Variants in JDP2 observed in about 807,000 individuals in gnomAD.
JDP2 encodes progesterone receptor co-activator.
JDP2 carries 9 observed loss-of-function variants against 17.1 expected under a neutral mutation model. That is an observed-to-expected ratio of 0.53 (90% CI 0.32 to 0.92). The LOEUF is 0.92. Ranked by LOEUF, JDP2 falls within the 40% of genes least tolerant of loss-of-function variation. The probability of loss-of-function intolerance (pLI) is 0.04; values close to 1 mark genes in which losing one functional copy is unlikely to be tolerated. For missense variants in JDP2, 179 were observed against 220.0 expected (o/e 0.81, Z 1.18); for synonymous variants, 107 against 95.6 (o/e 1.12, Z -0.69).
intron 2 of JDP2, among the ~76,000 whole-genome samples, chr14:75,459,433 T>A (rs775491816): frequency 6.6e-6 from 1 of 152,108 alleles, no homozygotes; most frequent in Non-Finnish European, 1.5e-5. Context: ...TGCAGCTGAC[T>A]CCCAGGTGGG....
intron 1 of JDP2, among the ~76,000 whole-genome samples, chr14:75,434,324 G>A (rs1884958966): frequency 1.3e-5 from 2 of 152,136 alleles, no homozygotes; most frequent in Admixed American, 1.3e-4. Context: ...GAAATGTTTA[G>A]GATGACTTCT....
At chr14:75,434,126 GCTGCCAC>G (rs1311430554) in intron 1 of JDP2, among the ~76,000 whole-genome samples, 3 of 152,128 alleles carry the variant, frequency 2.0e-5, no homozygotes, top group Non-Finnish European at 4.4e-5. Flanking sequence ...GTTCCTTGGT[GCTGCCAC>G]CTCCACTGCC....
chr14:75,463,228 G>A (rs977151872), intron 3 of JDP2, among the ~76,000 whole-genome samples: 1 of 152,234 alleles, frequency 6.6e-6, no homozygotes, highest in Non-Finnish European at 1.5e-5. Flanking sequence ...CACCTACTGT[G>A]TGCCAGGCAT....
chr14:75,436,584 C>T (rs999584100), intron 1 of JDP2, among the ~76,000 whole-genome samples: 1 of 152,234 alleles, frequency 6.6e-6, no homozygotes, highest in Admixed American at 6.5e-5. Flanking sequence ...TGCTTCAAAG[C>T]TAAGACTGCA....
intron 2 of JDP2, among the ~76,000 whole-genome samples, chr14:75,446,204 G>T (rs1241568520): frequency 6.6e-6 from 1 of 152,198 alleles, no homozygotes; most frequent in Non-Finnish European, 1.5e-5. Context: ...ATTGATCGTG[G>T]GAATGTAAAA....
At chr14:75,438,766 G>A (rs1885196622) in intron 2 of JDP2, among the ~76,000 whole-genome samples, 1 of 152,170 alleles carries the variant, frequency 6.6e-6, no homozygotes, top group South Asian at 2.1e-4. Context: ...TCCTCCTCAG[G>A]TCCCTTGCAC....
chr14:75,466,169 G>C (rs949232941), intron 3 of JDP2, among the ~76,000 whole-genome samples: 4 of 152,186 alleles, frequency 2.6e-5, no homozygotes, highest in African/African-American at 9.7e-5. Flanking sequence ...GGCTGGGCGC[G>C]GTGGCTCATG....
intron 1 of JDP2, among the ~76,000 whole-genome samples, chr14:75,429,666 T>A (rs932878452): frequency 4.6e-5 from 7 of 152,188 alleles, no homozygotes; most frequent in Non-Finnish European, 8.8e-5. Flanking sequence ...AGGTATCAGG[T>A]GTGAGCATGG....
At chr14:75,429,125 C>T (rs899503207) in intron 1 of JDP2, among the ~76,000 whole-genome samples, 6 of 152,110 alleles carry the variant, frequency 3.9e-5, no homozygotes, top group African/African-American at 1.4e-4. Flanking sequence ...GTAGGAGGAG[C>T]AGGGAAGATG....
chr14:75,452,725 T>G (rs542331175), intron 2 of JDP2, among the ~76,000 whole-genome samples: 1 of 152,306 alleles, frequency 6.6e-6, no homozygotes, highest in East Asian at 1.9e-4. Flanking sequence ...TCCCCTCCCA[T>G]GGCAGGAGGG....
At position 75,472,655 on chromosome 14, in the gene JDP2, T is replaced by G. The variant is rs911352975; in HGVS notation, c.*3180T>G. 1 of 152,246 alleles carries G rather than the reference T, an allele frequency of 6.6e-6. No individual in the cohort carries two copies. Among genetic ancestry groups the G allele is most frequent in the Non-Finnish European group, 1.5e-5 (1 of 68,036 alleles). The allele number at this position is 152,246 out of a possible 1,614,324, so 9.4% of individuals were successfully genotyped here. On this transcript the variant is annotated 3_prime_UTR_variant, in exon 4 of 4. Transcript: ENST00000651602. Reference sequence around the variant, plus strand: ...GGAGTTATCAAGATCAAAAAAGGAATGGATATACAAAGTGTTTTGTGAAAT... The same window carrying G: ...GGAGTTATCAAGATCAAAAAAGGAAGGGATATACAAAGTGTTTTGTGAAAT...
At chr14:75,454,828 C>T (rs1176943008) in intron 2 of JDP2, among the ~76,000 whole-genome samples, 4 of 151,238 alleles carry the variant, frequency 2.6e-5, no homozygotes, top group South Asian at 4.2e-4. Context: ...TAGAGGAGGG[C>T]GATGTAGTGG....
chr14:75,460,212 G>A (rs368410454), intron 2 of JDP2, among the ~76,000 whole-genome samples: 60 of 152,154 alleles, frequency 3.9e-4, no homozygotes, highest in African/African-American at 1.3e-3. Flanking sequence ...CGTATTTCAC[G>A]CATGGTGAGT....
chr14:75,441,997 C>G (rs1259666894), intron 2 of JDP2, among the ~76,000 whole-genome samples: 1 of 151,848 alleles, frequency 6.6e-6, no homozygotes, highest in African/African-American at 2.4e-5. Context: ...CAGACACTTA[C>G]TAATCAACCT....
At chr14:75,456,331 T>C (rs1886106876) in intron 2 of JDP2, among the ~76,000 whole-genome samples, 1 of 152,226 alleles carries the variant, frequency 6.6e-6, no homozygotes, top group Non-Finnish European at 1.5e-5. Context: ...CTCTCTCCCC[T>C]TCTTCATCTC....
Position 75,433,063 on chromosome 14 carries a change from C to T in JDP2, c.-24+4811C>T, listed in dbSNP as rs539259325. ...CTAAAAAATTAGCCAGGCATGGTGG[C>T]GCATGCCTGTAATCCCAGCTACTCA... On this transcript the variant is annotated intron_variant, in intron 1 of 3. Coordinates refer to ENST00000651602, the MANE Select transcript of JDP2 (RefSeq NM_001135048.2). Among the ~76,000 whole-genome samples, 78 of 151,402 alleles carry T rather than the reference C, an allele frequency of 5.2e-4. 1 individual carries two copies. Among genetic ancestry groups the T allele is most frequent in the African/African-American group, 1.7e-3 (71 of 41,308 alleles).
chr14:75,439,087 C>G (rs193170011), intron 2 of JDP2, among the ~76,000 whole-genome samples: 37 of 152,242 alleles, frequency 2.4e-4, no homozygotes, highest in Non-Finnish European at 1.5e-5. Flanking sequence ...AAAGATGAGC[C>G]TGGGGGGAGC....
At chr14:75,429,915 C>G (rs1035151870) in intron 1 of JDP2, among the ~76,000 whole-genome samples, 1 of 151,922 alleles carries the variant, frequency 6.6e-6, no homozygotes, top group Non-Finnish European at 1.5e-5. Context: ...AGACCTCTGG[C>G]TTTTCTCCTA....
In JDP2 at chr14:75,469,458, C is replaced by CAGCTCGAGA. The variant is rs778366874; in HGVS notation, c.478_486dup (p.Leu160_Lys162dup). The CAGCTCGAGA allele has an allele frequency of 6.2e-7, 1 of 1,613,300 alleles. No homozygotes were observed. Among genetic ancestry groups the CAGCTCGAGA allele is most frequent in the Admixed American group, 1.7e-5 (1 of 59,882 alleles). On this transcript the variant is annotated inframe_insertion, in exon 4 of 4. Transcript: ENST00000651602. ...GTCAGAAGGCAACCCACTGCTCGAG[C>CAGCTCGAGA]AGCTCGAGAAGAAGTGACCATGGGC...
Sources: allele counts gnomAD v4.1 joint callset (sites outside exome capture counted in the v4.1 genomes callset), GRCh38; gene constraint gnomAD v4.1.1; transcripts MANE v1.5; gene names NCBI Gene and HGNC (gene_info 2026-07-23, HGNC 2026-07-21).